The following HERC2 variants were observed in gnomAD, a reference collection of about 807,000 sequenced individuals.
HERC2 encodes E3 ubiquitin-protein ligase HERC2.
In HERC2, 102 loss-of-function variants were observed where a neutral mutation model predicts 537.7. That is an observed-to-expected ratio of 0.19 (90% CI 0.16 to 0.22). The LOEUF is 0.22. Ranked by LOEUF, HERC2 falls within the 10% of genes least tolerant of loss-of-function variation. The pLI is 1.00. For synonymous variants in HERC2, 2,224 were observed against 2,466.2 expected (o/e 0.90, Z 2.91); for missense variants, 4,236 against 6,198.2 (o/e 0.68, Z 10.63).
chr15:28,195,710 CAG>C (rs1242041406), intron 52 of HERC2, among the ~76,000 whole-genome samples: 1 of 151,978 alleles, frequency 6.6e-6, no homozygotes, highest in Non-Finnish European at 1.5e-5. Context: ...TTAATGGGTA[CAG>C]AGTTTCTGAT....
chr15:28,301,242 C>A (rs1338860664), intron 2 of HERC2, among the ~76,000 whole-genome samples: 1 of 151,984 alleles, frequency 6.6e-6, no homozygotes, highest in Non-Finnish European at 1.5e-5. Context: ...TGCCGAAACC[C>A]CATCTCTTCT....
chr15:28,248,790 GA>G (rs1903972405), intron 20 of HERC2, 54 bp from the exon 21 acceptor site: 2 of 1,396,272 alleles, frequency 1.4e-6, no homozygotes, highest in Non-Finnish European at 2.0e-6. Context: ...CTACTAAAAA[GA>G]AAATGGGATG....
intron 35 of HERC2, among the ~76,000 whole-genome samples, chr15:28,227,567 G>A (rs1901340197): frequency 1.3e-5 from 2 of 151,872 alleles, no homozygotes; most frequent in South Asian, 4.2e-4. Context: ...AAAATGATAT[G>A]GCACTGTGGA....
intron 23 of HERC2, among the ~76,000 whole-genome samples, chr15:28,240,840 C>T (rs1315674122): frequency 6.6e-6 from 1 of 151,856 alleles, no homozygotes; most frequent in African/African-American, 2.4e-5. Flanking sequence ...TCCAGACATG[C>T]ACATGTAAAG....
chr15:28,152,005 G>A (rs1328779975), intron 70 of HERC2, among the ~76,000 whole-genome samples: 2 of 152,174 alleles, frequency 1.3e-5, no homozygotes, highest in Non-Finnish European at 2.9e-5. Flanking sequence ...CAATAGCCTC[G>A]GGTGCTAATA....
chr15:28,241,779 C>T (rs1266537373), intron 23 of HERC2, among the ~76,000 whole-genome samples: 1 of 152,098 alleles, frequency 6.6e-6, no homozygotes, highest in Admixed American at 6.5e-5. Context: ...GAGATCACAC[C>T]ACTGCACTCC....
At chr15:28,244,273 A>G (rs1005520559) in intron 23 of HERC2, among the ~76,000 whole-genome samples, 8 of 152,250 alleles carry the variant, frequency 5.3e-5, no homozygotes, top group African/African-American at 1.7e-4. Context: ...AGTATACTAC[A>G]TATGGCAATA....
intron 15 of HERC2, among the ~76,000 whole-genome samples, chr15:28,261,839 G>A (rs905615444): frequency 1.3e-5 from 2 of 152,138 alleles, no homozygotes; most frequent in African/African-American, 2.4e-5. Flanking sequence ...TAAAACTAAT[G>A]GAGAAGGGAA....
intron 83 of HERC2, among the ~76,000 whole-genome samples, chr15:28,126,994 C>T (rs1889565869): frequency 6.6e-6 from 1 of 152,238 alleles, no homozygotes; most frequent in South Asian, 2.1e-4. Flanking sequence ...CCAAGAAATA[C>T]CACCGGAAAA....
intron 2 of HERC2, among the ~76,000 whole-genome samples, chr15:28,303,107 A>G (rs933833794): frequency 1.3e-5 from 2 of 151,980 alleles, no homozygotes; most frequent in African/African-American, 4.8e-5. Context: ...AGTCTCCCCA[A>G]TGTTTTCTTT....
rs371500499 is a variant in HERC2 at position 28,113,565 on chromosome 15, C to T, written c.14019+8G>A. 120 of 1,611,876 alleles carry T rather than the reference C, an allele frequency of 7.4e-5. No homozygotes were observed. The highest frequency in any genetic ancestry group is 1.0e-4 in the Non-Finnish European group (118 of 1,178,234). On this transcript the variant is annotated splice_region_variant and intron_variant, in intron 91 of 92. Coordinates refer to ENST00000261609, the MANE Select transcript of HERC2 (RefSeq NM_004667.6). This position sits in a 1 kb window ranked among gnomAD's most constrained non-coding sequence, Gnocchi z 7.0. Reference sequence around the variant, plus strand: ...CTGCAGGGCAGCCCCACCTGGGGGTCGGCATACCATCGTCTCCAGTTCGTA... The same window carrying T: ...CTGCAGGGCAGCCCCACCTGGGGGTTGGCATACCATCGTCTCCAGTTCGTA...
intron 12 of HERC2, among the ~76,000 whole-genome samples, chr15:28,267,697 G>A (rs553532033): frequency 1.3e-5 from 2 of 152,382 alleles, no homozygotes; most frequent in African/African-American, 4.8e-5. Context: ...TCTTCCCAGC[G>A]GATGCTGTCG....
intron 83 of HERC2, among the ~76,000 whole-genome samples, chr15:28,128,881 G>C (rs751424947): frequency 1.2e-4 from 18 of 152,116 alleles, no homozygotes; most frequent in Non-Finnish European, 2.4e-4. Flanking sequence ...AGCTTCCAGG[G>C]GCCACCCCAT....
At chr15:28,297,547 G>A (rs1264836186) in intron 3 of HERC2, among the ~76,000 whole-genome samples, 1 of 151,682 alleles carries the variant, frequency 6.6e-6, no homozygotes, top group Non-Finnish European at 1.5e-5. Flanking sequence ...AACCCATTAT[G>A]TTGTTTAAAA....
chr15:28,264,846 C>T (rs557056963), intron 14 of HERC2, among the ~76,000 whole-genome samples: 1 of 152,198 alleles, frequency 6.6e-6, no homozygotes, highest in South Asian at 2.1e-4. Flanking sequence ...CAGATGAGGC[C>T]ATCTTTGCTC....
chr15:28,116,887 T>C, intron 87 of HERC2, 28 bp from the exon 88 acceptor site: 1 of 1,607,676 alleles, frequency 6.2e-7, no homozygotes, highest in Non-Finnish European at 8.5e-7. Context: ...CCACTCGAAG[T>C]CCCCTCACAC....
At chr15:28,301,733 G>A (rs12324458) in intron 2 of HERC2, among the ~76,000 whole-genome samples, 1 of 30,906 alleles carries the variant, frequency 3.2e-5, no homozygotes, top group East Asian at 1.1e-3. Flanking sequence ...TTGTATGTAT[G>A]TGTATATATA....
chr15:28,222,517 T>A (rs1900629397), intron 35 of HERC2, among the ~76,000 whole-genome samples: 1 of 152,232 alleles, frequency 6.6e-6, no homozygotes, highest in South Asian at 2.1e-4. Flanking sequence ...GTTAGAAAGA[T>A]ATTCATCATA....
rs1438669744 is a variant in HERC2 at position 28,143,861 on chromosome 15, A to T, written c.11418+12T>A. 2 of 1,614,076 alleles carry T rather than the reference A, an allele frequency of 1.2e-6. No homozygotes were observed. The highest frequency in any genetic ancestry group is 3.3e-5 in the Admixed American group (2 of 60,010). On this transcript the variant is annotated intron_variant, in intron 74 of 92. Coordinates refer to ENST00000261609, the MANE Select transcript of HERC2 (RefSeq NM_004667.6). Reference sequence around the variant, plus strand: ...GTCACAAATCTAGAAATTGTACTAGAATGCTCCATACCAAAGCTCTTGTTT... The same window carrying T: ...GTCACAAATCTAGAAATTGTACTAGTATGCTCCATACCAAAGCTCTTGTTT...
Sources: allele counts gnomAD v4.1 joint callset (sites outside exome capture counted in the v4.1 genomes callset), GRCh38; gene constraint gnomAD v4.1.1; non-coding constraint Gnocchi (gnomAD v3.1); transcripts MANE v1.5; gene names NCBI Gene and HGNC (gene_info 2026-07-23, HGNC 2026-07-21).